Variants in PLA2G4E observed in about 807,000 individuals in gnomAD.
PLA2G4E encodes the protein phospholipase A2 group IVE, also known as cytosolic phospholipase A2 epsilon.
Under a neutral mutation model 109.1 loss-of-function variants are expected in PLA2G4E, and 84 were observed. The ratio of observed to expected loss-of-function variants is 0.77; its 90% CI spans 0.65 to 0.92. The LOEUF is 0.92. Ranked by LOEUF, PLA2G4E falls within the 40% of genes least tolerant of loss-of-function variation. PLA2G4E has a pLI of 0.00. For missense variants in PLA2G4E, 1,057 were observed against 1,076.6 expected (o/e 0.98, Z 0.25); for synonymous variants, 469 against 436.1 (o/e 1.08, Z -0.94).
intron 3 of PLA2G4E, among the ~76,000 whole-genome samples, chr15:42,006,371 GCC>G (rs1257682121): frequency 1.3e-5 from 2 of 152,146 alleles, no homozygotes; most frequent in Non-Finnish European, 2.9e-5. Flanking sequence ...AGAGAATTTT[GCC>G]TCTTTTACAA....
intron 1 of PLA2G4E, among the ~76,000 whole-genome samples, chr15:42,047,770 C>T (rs1450213024): frequency 1.3e-5 from 2 of 152,126 alleles, no homozygotes; most frequent in African/African-American, 4.8e-5. Context: ...ACAAAGGTCT[C>T]AGGGAATGAC....
intron 14 of PLA2G4E, 21 bp from the exon 15 acceptor site, chr15:41,989,573 C>A: frequency 6.2e-7 from 1 of 1,607,660 alleles, no homozygotes; most frequent in Non-Finnish European, 8.5e-7. Flanking sequence ...AGCAGCAGGA[C>A]GGGGGTCAGT....
chr15:41,987,433 T>A, intron 16 of PLA2G4E, 58 bp from the exon 17 acceptor site: 1 of 1,529,734 alleles, frequency 6.5e-7, no homozygotes, highest in Non-Finnish European at 9.0e-7. Flanking sequence ...CCAGATTGCC[T>A]ATGCGAAGCC....
chr15:42,012,279 C>G (rs961578982), intron 2 of PLA2G4E, among the ~76,000 whole-genome samples: 5 of 152,222 alleles, frequency 3.3e-5, no homozygotes, highest in African/African-American at 1.2e-4. Flanking sequence ...ATCTCTTCCT[C>G]AAGACCCCAG....
chr15:42,044,832 G>A (rs766214875), intron 1 of PLA2G4E, among the ~76,000 whole-genome samples: 4 of 152,128 alleles, frequency 2.6e-5, no homozygotes, highest in Admixed American at 6.5e-5. Flanking sequence ...CTGGCTGCTG[G>A]GTGGGGACAG....
intron 1 of PLA2G4E, among the ~76,000 whole-genome samples, chr15:42,043,189 C>G (rs1889347262): frequency 6.6e-6 from 1 of 152,168 alleles, no homozygotes; most frequent in South Asian, 2.1e-4. Flanking sequence ...GCCCCAGATT[C>G]AGAAGACAGC....
intron 1 of PLA2G4E, among the ~76,000 whole-genome samples, chr15:42,015,236 C>A (rs182152780): frequency 1.3e-5 from 2 of 152,292 alleles, no homozygotes; most frequent in Admixed American, 6.5e-5. Context: ...TTACTTTCTG[C>A]CTCCCAGAGG....
At position 42,050,517 on chromosome 15, in the gene PLA2G4E, A is replaced by G. The variant is rs7180369; in HGVS notation, c.183+4T>C. 2,366 of 1,549,492 alleles carry G rather than the reference A, an allele frequency of 1.5e-3. 29 individuals carry two copies. The African/African-American group carries it at 0.029, about 19-fold the overall frequency. ...AGACCCCCCTCCCAGGAACACAGAC[A>G]TACCTCAGAGCCCCAAGGAGCCATA... On this transcript the variant is annotated splice_donor_region_variant and intron_variant, in intron 1 of 19. Transcript: ENST00000399518.
chr15:42,002,631 C>T (rs1438740597), intron 6 of PLA2G4E, 23 bp downstream of exon 6: 2 of 1,574,786 alleles, frequency 1.3e-6, no homozygotes, highest in Admixed American at 3.7e-5. Flanking sequence ...TCTGGAGCTA[C>T]AGGAACCCAG....
At chr15:42,035,287 C>T (rs1174873258) in intron 1 of PLA2G4E, among the ~76,000 whole-genome samples, 2 of 152,238 alleles carry the variant, frequency 1.3e-5, no homozygotes, top group African/African-American at 4.8e-5. Context: ...CTACCCACCA[C>T]TCACATACCT....
chr15:42,025,774 A>C lies in PLA2G4E; in HGVS notation c.184-12017T>G, dbSNP rs115647025. ...AACTTAGAGTGGTGGTGTTTGTCTG[A>C]GATGACGGTGCTCCTGCTCTGTCAG... is the stretch of plus-strand genomic sequence containing the variant. On this transcript the variant is annotated intron_variant, in intron 1 of 19. Coordinates refer to ENST00000399518, the Ensembl canonical transcript of PLA2G4E. Among the ~76,000 whole-genome samples, 1,464 of 152,340 alleles carry C rather than the reference A, an allele frequency of 9.6e-3. 23 individuals are homozygous for C. Among genetic ancestry groups the C allele is most frequent in the African/African-American group, 0.034 (1,407 of 41,580 alleles).
chr15:42,000,158 C>A, exon 8 of PLA2G4E: 1 of 1,595,546 alleles, frequency 6.3e-7, no homozygotes, highest in African/African-American at 1.3e-5. Context: ...ACTGGAAGTA[C>A]TTGGGGTAGT....
rs199924368 is a variant in PLA2G4E at position 41,990,740 on chromosome 15, C to CCCT, written c.1471-506_1471-505insAGG. Among the ~76,000 whole-genome samples, 39 of 44,674 alleles carry CCCT rather than the reference C, an allele frequency of 8.7e-4. 3 individuals carry two copies. The highest frequency in any genetic ancestry group is 2.9e-3 in the East Asian group (5 of 1,738). 29.3% of individuals were successfully genotyped at this position (44,674 alleles called of 152,430 possible). A position where few individuals can be genotyped will look rare whatever the true frequency, so the allele number is the denominator to read the frequency against. ...CCCCTCCCTCCCTCCCCTCCTCTTC[C>CCCT]CTTCTTTTTTTTTTTTTTTTTTTTA... On this transcript the variant is annotated intron_variant, in intron 13 of 19. Transcript: ENST00000399518.
chr15:41,998,680 T>C (rs1339420019), intron 10 of PLA2G4E: 1 of 152,184 alleles, frequency 6.6e-6, no homozygotes, highest in East Asian at 1.9e-4. Flanking sequence ...CCATGTAGAT[T>C]GATTACCTAA....
Position 42,004,918 on chromosome 15 carries a change from C to G in PLA2G4E, c.566+20G>C, listed in dbSNP as rs199680586. 43 of 1,595,706 alleles carry G rather than the reference C, an allele frequency of 2.7e-5. No individual in the cohort carries two copies. The highest frequency in any genetic ancestry group is 3.3e-5 in the Non-Finnish European group (38 of 1,168,832). Reference sequence around the variant, plus strand: ...TGATGGCCAGGACCTTGGTGGGCCCCGGGGCCTGGGCCTACTCACCTCTCC... The same window carrying G: ...TGATGGCCAGGACCTTGGTGGGCCCGGGGGCCTGGGCCTACTCACCTCTCC... On this transcript the variant is annotated intron_variant, in intron 5 of 19. Coordinates refer to ENST00000399518, the Ensembl canonical transcript of PLA2G4E.
intron 4 of PLA2G4E, 144 bp downstream of exon 4, chr15:42,005,846 G>C: frequency 1.0e-6 from 1 of 1,002,874 alleles, no homozygotes; most frequent in South Asian, 1.8e-5. Context: ...GAGTGACAGT[G>C]CTGGGATTTA....
intron 1 of PLA2G4E, among the ~76,000 whole-genome samples, chr15:42,041,333 G>C (rs1281772385): frequency 2.0e-5 from 3 of 151,930 alleles, no homozygotes; most frequent in Non-Finnish European, 4.4e-5. Flanking sequence ...AAAAAAAGTT[G>C]TTGATGAATG....
At chr15:41,998,773 G>A (rs2068379585) in intron 10 of PLA2G4E, 1 of 152,248 alleles carries the variant, frequency 6.6e-6, no homozygotes, top group African/African-American at 2.4e-5. Context: ...CAGGACTTTG[G>A]TCGGGCGCGG....
intron 1 of PLA2G4E, among the ~76,000 whole-genome samples, chr15:42,031,013 G>A (rs1889101930): frequency 6.6e-6 from 1 of 151,986 alleles, no homozygotes; most frequent in African/African-American, 2.4e-5. Context: ...TGTTACCCAG[G>A]CTGGAGTACA....
Sources: gnomAD v4.1 joint callset for allele counts (sites outside exome capture counted in the v4.1 genomes callset) on GRCh38, gnomAD v4.1.1 for gene constraint, MANE v1.5 for transcripts, NCBI Gene and HGNC (gene_info 2026-07-23, HGNC 2026-07-21) for gene names.